The following TPO variants were observed in gnomAD, a reference collection of about 807,000 sequenced individuals.
TPO encodes thyroid microsomal antigen.
Under a neutral mutation model 96.9 loss-of-function variants are expected in TPO, and 78 were observed. That is an observed-to-expected ratio of 0.81 (90% CI 0.67 to 0.97). TPO has a LOEUF of 0.97. Among genes scored for constraint, TPO ranks in the 50% least tolerant of loss-of-function variants. The pLI is 0.00. For synonymous variants in TPO, 547 were observed against 538.0 expected, an observed-to-expected ratio of 1.02 and a Z score of -0.23; for missense variants, 1,252 against 1,274.8, an observed-to-expected ratio of 0.98 and a Z score of 0.27.
intron 5 of TPO, among the ~76,000 whole-genome samples, chr2:1,440,696 GGCA>G (rs1666081795): frequency 6.6e-6 from 1 of 152,208 alleles, no homozygotes; most frequent in Non-Finnish European, 1.5e-5. Flanking sequence ...TGCCGCAGGA[GGCA>G]CTATGTTGGA....
chr2:1,539,562 C>T (rs546458634), intron 15 of TPO, among the ~76,000 whole-genome samples: 3 of 152,276 alleles, frequency 2.0e-5, no homozygotes, highest in South Asian at 2.1e-4. Context: ...GGTCGGAGTC[C>T]GCAAGGGTGG....
Position 1,484,778 on chromosome 2 carries a change from C to T in TPO, c.1521C>T (p.Ser507=). 1 of 1,614,106 alleles carries T rather than the reference C, an allele frequency of 6.2e-7. No individual in the cohort carries two copies. The highest frequency in any genetic ancestry group is 8.5e-7 in the Non-Finnish European group (1 of 1,180,044). ...CGCTGGTGAGGAGGCTGGACGCCAGCTTCCAGGAGCACCCCGACCTGCCCG... is the reference window on the plus strand; with the variant it reads ...CGCTGGTGAGGAGGCTGGACGCCAGTTTCCAGGAGCACCCCGACCTGCCCG... ...IHPLVRRLDA[S]FQEHPDLPGL... The change falls in exon 9 of 17, where the codon AGC becomes AGT. Residue 507 remains serine, a synonymous_variant. Transcript: ENST00000329066.
At chr2:1,434,647 C>T (rs1665372490) in intron 4 of TPO, among the ~76,000 whole-genome samples, 1 of 152,160 alleles carries the variant, frequency 6.6e-6, no homozygotes, top group South Asian at 2.1e-4. Context: ...GCCTTAGAGC[C>T]ACATGCTCAC....
intron 16 of TPO, chr2:1,541,024 G>C: frequency 7.4e-7 from 1 of 1,348,228 alleles, no homozygotes; most frequent in Non-Finnish European, 9.7e-7. Context: ...AAGCACAGGA[G>C]AGGAAGGAGA....
At chr2:1,446,201 G>A (rs896897306) in intron 5 of TPO, among the ~76,000 whole-genome samples, 1 of 152,160 alleles carries the variant, frequency 6.6e-6, no homozygotes, top group African/African-American at 2.4e-5. Flanking sequence ...TCTACCCAGA[G>A]GTGACCATTG....
chr2:1,484,277 C>T (rs1219985525), intron 8 of TPO, among the ~76,000 whole-genome samples: 1 of 152,242 alleles, frequency 6.6e-6, no homozygotes, highest in African/African-American at 2.4e-5. Flanking sequence ...TGTCAATCAT[C>T]CAGCCAGGAG....
chr2:1,536,640 A>AACC (rs1452442034), intron 15 of TPO, among the ~76,000 whole-genome samples: 1 of 5,218 alleles, frequency 1.9e-4, no homozygotes, highest in African/African-American at 5.7e-4. Flanking sequence ...ACCTCCCCAA[A>AACC]TCCCCCCCCC....
At chr2:1,430,177 T>G (rs1664837069) in intron 3 of TPO, among the ~76,000 whole-genome samples, 1 of 152,198 alleles carries the variant, frequency 6.6e-6, no homozygotes, top group Non-Finnish European at 1.5e-5. Flanking sequence ...CTTGGGCCTC[T>G]TTGTCCTGTG....
chr2:1,404,998 C>T (rs1158332706), intron 1 of TPO, among the ~76,000 whole-genome samples: 2 of 152,154 alleles, frequency 1.3e-5, no homozygotes, highest in African/African-American at 4.8e-5. Context: ...GACCCATTCA[C>T]ACATGTACCC....
chr2:1,509,701 AC>A (rs1282438518), intron 14 of TPO, among the ~76,000 whole-genome samples: 2 of 48,262 alleles, frequency 4.1e-5, no homozygotes, highest in African/African-American at 9.9e-5. Context: ...TTTCAGGCAC[AC>A]CCCCCTTCTT....
At chr2:1,390,619 T>C (rs1661985501) in intron 1 of TPO, among the ~76,000 whole-genome samples, 1 of 152,210 alleles carries the variant, frequency 6.6e-6, no homozygotes, top group South Asian at 2.1e-4. Flanking sequence ...TCTTCCACAA[T>C]GGTTGAACTA....
In TPO at chr2:1,518,051, C is replaced by T. The variant is rs892792624; in HGVS notation, c.2618+1069C>T. Among the ~76,000 whole-genome samples, 3 of 152,176 alleles carry T rather than the reference C, an allele frequency of 2.0e-5. No homozygotes were observed. The South Asian group carries it at 6.2e-4, about 32-fold the overall frequency. On this transcript the variant is annotated intron_variant, in intron 15 of 16. Coordinates refer to ENST00000329066, the MANE Select transcript of TPO (RefSeq NM_001206744.2). ...CCACCCCGGCCTTCAGAGCTCCTCA[C>T]TGGCGGAGCCCCCAGCACCACCCCA...
intron 1 of TPO, among the ~76,000 whole-genome samples, chr2:1,397,978 A>AT (rs1662110204): frequency 1.3e-5 from 2 of 152,202 alleles, no homozygotes; most frequent in Non-Finnish European, 2.9e-5. Flanking sequence ...AGTACTTCCC[A>AT]TGCCACAAAC....
intron 7 of TPO, among the ~76,000 whole-genome samples, chr2:1,460,962 G>A (rs1172096515): frequency 6.6e-6 from 1 of 152,200 alleles, no homozygotes; most frequent in Non-Finnish European, 1.5e-5. Flanking sequence ...GCAAGAGCTG[G>A]TGAAAAGCAG....
intron 7 of TPO, among the ~76,000 whole-genome samples, chr2:1,469,862 C>T (rs1181224714): frequency 2.0e-5 from 3 of 152,148 alleles, no homozygotes; most frequent in Admixed American, 2.0e-4. Flanking sequence ...AGAGGGTCTG[C>T]GGTTTCTCTT....
chr2:1,391,642 C>A (rs554251733), intron 1 of TPO, among the ~76,000 whole-genome samples: 5 of 152,128 alleles, frequency 3.3e-5, no homozygotes, highest in Non-Finnish European at 7.3e-5. Context: ...TCTTCTTATC[C>A]ATGAGCATGG....
At chr2:1,505,835 C>G (rs1186710263) in intron 14 of TPO, among the ~76,000 whole-genome samples, 2 of 127,108 alleles carry the variant, frequency 1.6e-5, no homozygotes, top group Non-Finnish European at 3.2e-5. Flanking sequence ...ATTCTTGTGG[C>G]TTTCTTTTTG....
chr2:1,537,776 C>A (rs1371970841), intron 15 of TPO, among the ~76,000 whole-genome samples: 1 of 138,536 alleles, frequency 7.2e-6, no homozygotes, highest in African/African-American at 2.8e-5. Context: ...AGTACAACCT[C>A]CCCAAATCCC....
intron 2 of TPO, among the ~76,000 whole-genome samples, chr2:1,421,510 C>G (rs907407941): frequency 6.6e-6 from 1 of 152,200 alleles, no homozygotes; most frequent in Admixed American, 6.5e-5. Flanking sequence ...ATGCCGGCAA[C>G]ATCCCAAAAG....
Sources: allele counts gnomAD v4.1 joint callset (sites outside exome capture counted in the v4.1 genomes callset), GRCh38; gene constraint gnomAD v4.1.1; transcripts MANE v1.5; gene names NCBI Gene and HGNC (gene_info 2026-07-23, HGNC 2026-07-21).